Variants in SRRM4 observed in about 807,000 individuals in gnomAD.
SRRM4 encodes the protein serine/arginine repetitive matrix 4.
Under a neutral mutation model 68.9 loss-of-function variants are expected in SRRM4, and 33 were observed. The observed-to-expected ratio is 0.48, with a 90% CI of 0.36 to 0.64. The LOEUF (loss-of-function observed/expected upper bound fraction) is 0.64. Among genes scored for constraint, SRRM4 ranks in the 30% least tolerant of loss-of-function variants. SRRM4 has a pLI of 0.00. For synonymous variants in SRRM4, 318 were observed against 318.8 expected (o/e 1.00, Z 0.03); for missense variants, 817 against 827.1 (o/e 0.99, Z 0.15).
At chr12:119,077,517 A>G (rs1198268442) in intron 1 of SRRM4, among the ~76,000 whole-genome samples, 1 of 152,186 alleles carries the variant, frequency 6.6e-6, no homozygotes, top group Non-Finnish European at 1.5e-5. Flanking sequence ...AGAGGATTAA[A>G]TTTGTCATAT....
intron 8 of SRRM4, among the ~76,000 whole-genome samples, chr12:119,141,875 A>G (rs75089368): frequency 0.011 from 1,683 of 152,358 alleles, 29 homozygotes; most frequent in African/African-American, 0.038. Context: ...TTCAAGATTC[A>G]GTGAATGAAT....
Position 119,156,636 on chromosome 12 carries a change from C to CCGGAGA in SRRM4, c.1680_1685dup (p.Arg560_Arg561dup), listed in dbSNP as rs1232602715. On this transcript the variant is annotated inframe_insertion, in exon 13 of 13. Coordinates refer to ENST00000267260, the MANE Select transcript of SRRM4 (RefSeq NM_194286.4). ...CCCGGAGCCGGAGTCGGAGCCGGAGCCGGAGACGGAGCCGGACCCGCACGA... is the reference window on the plus strand; with the variant it reads ...CCCGGAGCCGGAGTCGGAGCCGGAGCCGGAGACGGAGACGGAGCCGGACCCGCACGA... 1 of 1,597,640 alleles carries CCGGAGA rather than the reference C, an allele frequency of 6.3e-7. No individual in the cohort carries two copies. Among genetic ancestry groups the CCGGAGA allele is most frequent in the East Asian group, 2.3e-5 (1 of 43,842 alleles).
chr12:119,081,336 T>A (rs1592890991), intron 1 of SRRM4, among the ~76,000 whole-genome samples: 1 of 152,116 alleles, frequency 6.6e-6, no homozygotes, highest in African/African-American at 2.4e-5. Context: ...ACTAAAAAGG[T>A]CATATTTGAG....
intron 1 of SRRM4, among the ~76,000 whole-genome samples, chr12:119,044,353 T>A (rs1953691096): frequency 6.6e-6 from 1 of 152,158 alleles, no homozygotes; most frequent in Admixed American, 6.5e-5. Flanking sequence ...TTGGGAGATG[T>A]GGAGGGCGGG....
chr12:119,146,950 A>C (rs1954406701), intron 9 of SRRM4, among the ~76,000 whole-genome samples: 3 of 152,080 alleles, frequency 2.0e-5, no homozygotes, highest in Middle Eastern at 6.8e-3. Context: ...AAAAAAAAGA[A>C]CATATCACAG....
At chr12:119,078,574 G>A (rs1324502081) in intron 1 of SRRM4, among the ~76,000 whole-genome samples, 1 of 152,164 alleles carries the variant, frequency 6.6e-6, no homozygotes, top group East Asian at 1.9e-4. Flanking sequence ...TCTTGCAAGG[G>A]GGAGGCTATA....
At position 119,148,289 on chromosome 12, in the gene SRRM4, T is replaced by C. The variant is rs1280614827; in HGVS notation, c.1076+2604T>C. 2.6e-5 allele frequency among the ~76,000 whole-genome samples: 4 copies of C among 152,282 alleles called. No homozygotes were observed. In the East Asian group the frequency reaches 5.8e-4, roughly 22 times the overall value. On this transcript the variant is annotated intron_variant, in intron 9 of 12. Transcript: ENST00000267260. ...TTGACATCCACATGCAGAACTGCCT[T>C]CCCATTTGCCTGCCCCAGGTCATCC...
intron 2 of SRRM4, among the ~76,000 whole-genome samples, chr12:119,107,862 G>T (rs1222242335): frequency 6.6e-6 from 1 of 152,090 alleles, no homozygotes. Flanking sequence ...GCTAGCTTTT[G>T]AATGTGTTTG....
chr12:119,132,028 C>A (rs1954301364), intron 8 of SRRM4, among the ~76,000 whole-genome samples: 1 of 152,178 alleles, frequency 6.6e-6, no homozygotes, highest in African/African-American at 2.4e-5. Context: ...TTCCAGGAAT[C>A]TTCTTTACCA....
At chr12:119,010,842 A>C (rs1254531575) in intron 1 of SRRM4, among the ~76,000 whole-genome samples, 1 of 152,248 alleles carries the variant, frequency 6.6e-6, no homozygotes, top group Non-Finnish European at 1.5e-5. Flanking sequence ...GGAATACAAT[A>C]CAACAGTTGA....
intron 1 of SRRM4, among the ~76,000 whole-genome samples, chr12:119,050,283 A>T (rs1953734229): frequency 6.6e-6 from 1 of 152,192 alleles, no homozygotes; most frequent in African/African-American, 2.4e-5. Flanking sequence ...TCTTTAACAG[A>T]GTTCTGGATC....
At chr12:119,123,532 G>A (rs530861357) in intron 6 of SRRM4, among the ~76,000 whole-genome samples, 39 of 151,988 alleles carry the variant, frequency 2.6e-4, no homozygotes, top group Admixed American at 1.2e-3. Context: ...GACTGCCTGC[G>A]TAAGGGGAGC....
intron 1 of SRRM4, among the ~76,000 whole-genome samples, chr12:119,028,696 G>A (rs970759867): frequency 2.0e-5 from 3 of 152,170 alleles, no homozygotes; most frequent in African/African-American, 7.2e-5. Flanking sequence ...GGTCACCCTG[G>A]CTCCAAAGTC....
intron 1 of SRRM4, among the ~76,000 whole-genome samples, chr12:119,020,943 C>T (rs1029539750): frequency 6.6e-6 from 1 of 152,108 alleles, no homozygotes; most frequent in African/African-American, 2.4e-5. Flanking sequence ...CCGTAGAGGG[C>T]GCTGTAGAGG....
intron 1 of SRRM4, among the ~76,000 whole-genome samples, chr12:119,089,142 C>T (rs562965490): frequency 2.0e-5 from 3 of 152,224 alleles, no homozygotes; most frequent in African/African-American, 7.2e-5. Flanking sequence ...CATATGAGAG[C>T]CCATCTTAGC....
At chr12:119,063,798 T>G (rs907925427) in intron 1 of SRRM4, among the ~76,000 whole-genome samples, 3 of 151,964 alleles carry the variant, frequency 2.0e-5, no homozygotes, top group Non-Finnish European at 4.4e-5. Flanking sequence ...ATTCAGTAAA[T>G]AAAGAATACC....
intron 1 of SRRM4, among the ~76,000 whole-genome samples, chr12:119,069,272 T>C (rs1346111242): frequency 6.6e-6 from 1 of 152,134 alleles, no homozygotes; most frequent in Non-Finnish European, 1.5e-5. Context: ...TTTTTATAAA[T>C]ACAGATGCTG....
At chr12:119,123,669 A>T (rs1404854024) in intron 6 of SRRM4, among the ~76,000 whole-genome samples, 1 of 152,246 alleles carries the variant, frequency 6.6e-6, no homozygotes, top group African/African-American at 2.4e-5. Flanking sequence ...GAATAAGGCT[A>T]GGAATCTTGA....
chr12:119,011,932 G>A (rs1264589925), intron 1 of SRRM4, among the ~76,000 whole-genome samples: 1 of 152,172 alleles, frequency 6.6e-6, no homozygotes, highest in Non-Finnish European at 1.5e-5. Context: ...AAATGGGGAT[G>A]ATGGTAGTGT....
Sources: allele counts gnomAD v4.1 joint callset (sites outside exome capture counted in the v4.1 genomes callset), GRCh38; gene constraint gnomAD v4.1.1; transcripts MANE v1.5; gene names NCBI Gene and HGNC (gene_info 2026-07-23, HGNC 2026-07-21).